ARHGEF3: variants seen among roughly 807,000 people sequenced by gnomAD.
ARHGEF3 encodes Rho guanine nucleotide exchange factor 3.
A neutral mutation model predicts 63.2 loss-of-function variants in ARHGEF3; 28 were observed. The observed-to-expected ratio is 0.44, with a 90% confidence interval of 0.33 to 0.61. The LOEUF is 0.61. ARHGEF3 is among the 20% of genes least tolerant of loss of function. The pLI is 0.03. For synonymous variants in ARHGEF3, 266 were observed against 254.2 expected (o/e 1.05, Z -0.44); for missense variants, 533 against 659.3 (o/e 0.81, Z 2.10).
intron 4 of ARHGEF3, among the ~76,000 whole-genome samples, chr3:56,825,283 T>C (rs2038670512): frequency 6.6e-6 from 1 of 152,252 alleles, no homozygotes; most frequent in African/African-American, 2.4e-5. Context: ...CAGAGACCCC[T>C]GCACTCCACG....
chr3:56,740,106 G>C (rs896167026), intron 7 of ARHGEF3, among the ~76,000 whole-genome samples: 6 of 151,676 alleles, frequency 4.0e-5, no homozygotes, highest in African/African-American at 1.5e-4. Flanking sequence ...CTCCATGTTG[G>C]CCAGGCTGGT....
Position 57,001,930 on chromosome 3 carries a change from GT to G in ARHGEF3, c.62+33157del, listed in dbSNP as rs1271964258. On this transcript the variant is annotated intron_variant, in intron 2 of 12. Coordinates refer to the ARHGEF3 transcript ENST00000338458. ...AAGTGAGATAGTTTTTTTTTTTTTTGTTTTTTGTTTTGAGACGGAGTCTCAC... is the reference window on the plus strand; with the variant it reads ...AAGTGAGATAGTTTTTTTTTTTTTTGTTTTTGTTTTGAGACGGAGTCTCAC... Among the ~76,000 whole-genome samples, 155 of 63,526 alleles carry G rather than the reference GT, an allele frequency of 2.4e-3. 8 individuals carry two copies. Among genetic ancestry groups the G allele is most frequent in the Middle Eastern group, 0.01 (1 of 96 alleles). The allele number at this position is 63,526 out of a possible 152,430, so 41.7% of individuals were successfully genotyped here. A position where few individuals can be genotyped will look rare whatever the true frequency, so the allele number is the denominator to read the frequency against.
At chr3:57,044,487 T>C (rs923440095) in intron 1 of ARHGEF3, among the ~76,000 whole-genome samples, 1 of 152,204 alleles carries the variant, frequency 6.6e-6, no homozygotes, top group African/African-American at 2.4e-5. Context: ...AGTGATGAAA[T>C]GGATGCAACA....
intron 3 of ARHGEF3, among the ~76,000 whole-genome samples, chr3:56,901,410 G>A (rs150281418): frequency 1.6e-5 from 2 of 127,300 alleles, no homozygotes. Context: ...ATGTATATGA[G>A]TATGTATACG....
chr3:56,808,469 G>C (rs1351633112), intron 4 of ARHGEF3, among the ~76,000 whole-genome samples: 2 of 151,824 alleles, frequency 1.3e-5, no homozygotes, highest in East Asian at 3.9e-4. Context: ...ATGTGCCTAT[G>C]GTCCCAGCTA....
At chr3:56,802,024 G>C (rs2037684825), upstream of ARHGEF3, 1 of 1,418,446 alleles carries the variant, frequency 7.0e-7, no homozygotes, top group East Asian at 2.7e-5. Context: ...CCGCCGGCTC[G>C]GCACCGCCCC....
At chr3:57,037,226 G>T (rs185417384) in intron 1 of ARHGEF3, among the ~76,000 whole-genome samples, 1 of 152,102 alleles carries the variant, frequency 6.6e-6, no homozygotes, top group East Asian at 1.9e-4. Context: ...TGGGACTTGA[G>T]TTCAGAGTCC....
chr3:56,807,966 A>G (rs2037923669), intron 4 of ARHGEF3, among the ~76,000 whole-genome samples: 1 of 152,096 alleles, frequency 6.6e-6, no homozygotes, highest in African/African-American at 2.4e-5. Context: ...TCTACTAAAA[A>G]TACGAAAATT....
At chr3:56,876,750 G>A (rs1160253959) in intron 4 of ARHGEF3, among the ~76,000 whole-genome samples, 1 of 151,916 alleles carries the variant, frequency 6.6e-6, no homozygotes, top group Non-Finnish European at 1.5e-5. Flanking sequence ...CCAGCCATGT[G>A]CTCCCATGGG....
chr3:56,832,348 G>A (rs7630830), intron 4 of ARHGEF3, among the ~76,000 whole-genome samples: 71,965 of 152,110 alleles, frequency 0.47, 17,514 homozygotes, highest in African/African-American at 0.58. Context: ...ATGTAAGTAG[G>A]GGGTTTACTT....
chr3:56,937,867 A>G (rs1698979354), intron 3 of ARHGEF3, among the ~76,000 whole-genome samples: 1 of 152,252 alleles, frequency 6.6e-6, no homozygotes, highest in Non-Finnish European at 1.5e-5. Context: ...TTCAACCTGC[A>G]TAAATTAAAT....
chr3:56,965,087 C>T (rs1306019876), intron 2 of ARHGEF3, among the ~76,000 whole-genome samples: 1 of 151,908 alleles, frequency 6.6e-6, no homozygotes, highest in African/African-American at 2.4e-5. Flanking sequence ...ACCAACTCTA[C>T]AAAAAAAATT....
At chr3:56,732,797 T>C (rs1559882391) in intron 8 of ARHGEF3, among the ~76,000 whole-genome samples, 3 of 151,962 alleles carry the variant, frequency 2.0e-5, no homozygotes, top group Non-Finnish European at 4.4e-5. Flanking sequence ...AAGAAGGTGA[T>C]GAAGGGAAAA....
intron 4 of ARHGEF3, among the ~76,000 whole-genome samples, chr3:56,829,291 A>G (rs1303752984): frequency 6.6e-6 from 1 of 152,202 alleles, no homozygotes; most frequent in Non-Finnish European, 1.5e-5. Flanking sequence ...TGTCTTTGGC[A>G]GTGAACGTGG....
intron 1 of ARHGEF3, among the ~76,000 whole-genome samples, chr3:57,053,359 G>C (rs1488125491): frequency 6.6e-6 from 1 of 151,968 alleles, no homozygotes; most frequent in Non-Finnish European, 1.5e-5. Context: ...TCCATGGCAG[G>C]AAAAACACCT....
At chr3:56,824,162 A>C (rs2038626049) in intron 4 of ARHGEF3, among the ~76,000 whole-genome samples, 1 of 152,188 alleles carries the variant, frequency 6.6e-6, no homozygotes, top group African/African-American at 2.4e-5. Context: ...AGAGAGCTTT[A>C]AGCAATTCAA....
chr3:56,983,610 T>A (rs115006945), intron 2 of ARHGEF3, among the ~76,000 whole-genome samples: 2,032 of 152,278 alleles, frequency 0.013, 51 homozygotes, highest in African/African-American at 0.047. Flanking sequence ...TTCTGCAGGG[T>A]CAGCATGCTG....
chr3:56,833,963 G>C (rs2039018199), intron 4 of ARHGEF3, among the ~76,000 whole-genome samples: 1 of 150,370 alleles, frequency 6.7e-6, no homozygotes, highest in Non-Finnish European at 1.5e-5. Context: ...GAGTGCAATG[G>C]TGTGATCTCG....
At chr3:56,979,111 A>T (rs1451022293) in intron 2 of ARHGEF3, among the ~76,000 whole-genome samples, 1 of 152,210 alleles carries the variant, frequency 6.6e-6, no homozygotes, top group African/African-American at 2.4e-5. Context: ...CTATGATTGC[A>T]CCATTGTACT....
Sources: allele counts gnomAD v4.1 joint callset (sites outside exome capture counted in the v4.1 genomes callset), GRCh38; gene constraint gnomAD v4.1.1; transcripts MANE v1.5; gene names NCBI Gene and HGNC (gene_info 2026-07-23, HGNC 2026-07-21).